ITPKB: variants seen among roughly 807,000 people sequenced by gnomAD.
The protein encoded by ITPKB is IP3 3-kinase B.
ITPKB carries 13 observed loss-of-function variants against 69.4 expected under a neutral mutation model. The observed-to-expected ratio is 0.19, with a 90% CI of 0.12 to 0.30. ITPKB has a LOEUF of 0.30. Ranked by LOEUF, ITPKB falls within the 10% of genes least tolerant of loss-of-function variation. The pLI is 1.00. For missense variants in ITPKB, 1,240 were observed against 1,250.5 expected, an observed-to-expected ratio of 0.99 and a Z score of 0.13; for synonymous variants, 584 against 513.7, an observed-to-expected ratio of 1.14 and a Z score of -1.85.
intron 4 of ITPKB, among the ~76,000 whole-genome samples, chr1:226,643,652 ATTT>A (rs1669007288): frequency 1.3e-5 from 2 of 152,196 alleles, no homozygotes; most frequent in African/African-American, 4.8e-5. Flanking sequence ...ATTAATTGAA[ATTT>A]GCACGGAAAG....
At chr1:226,706,594 G>T (rs758393062) in intron 2 of ITPKB, among the ~76,000 whole-genome samples, 2 of 152,206 alleles carry the variant, frequency 1.3e-5, no homozygotes, top group African/African-American at 4.8e-5. Flanking sequence ...CCCAAAAGGG[G>T]TTAAAAAACA....
intron 2 of ITPKB, among the ~76,000 whole-genome samples, chr1:226,716,359 C>A (rs1022542162): frequency 3.3e-4 from 50 of 152,166 alleles, no homozygotes; most frequent in African/African-American, 1.1e-3. Context: ...GCTCTAAAAT[C>A]TTTTTCTTTA....
chr1:226,659,363 G>A (rs951097438), intron 2 of ITPKB, among the ~76,000 whole-genome samples: 1 of 152,028 alleles, frequency 6.6e-6, no homozygotes, highest in South Asian at 2.1e-4. Context: ...CCATAAGAGG[G>A]AGCAGGGTCC....
chr1:226,685,417 C>T lies in ITPKB; in HGVS notation c.1933-36646G>A, dbSNP rs187474806. 1.3e-3 allele frequency among the ~76,000 whole-genome samples: 195 copies of T among 152,314 alleles called. 1 individual carries two copies. Among genetic ancestry groups the T allele is most frequent in the Non-Finnish European group, 2.1e-3 (144 of 68,024 alleles). On this transcript the variant is annotated intron_variant, in intron 2 of 7. Coordinates refer to ENST00000429204, the MANE Select transcript of ITPKB (RefSeq NM_002221.4). ...TCTCGGGTTTCCTGGCCATTGCTCA[C>T]GTGGACCTTCAACTTGGAATCATCT...
At chr1:226,646,049 A>T (rs1208981857) in intron 4 of ITPKB, among the ~76,000 whole-genome samples, 4 of 152,082 alleles carry the variant, frequency 2.6e-5, no homozygotes, top group South Asian at 2.1e-4. Context: ...TCTCTCTCTC[A>T]CACACACACC....
At chr1:226,704,674 T>C (rs1370975283) in intron 2 of ITPKB, among the ~76,000 whole-genome samples, 2 of 152,250 alleles carry the variant, frequency 1.3e-5, no homozygotes, top group Non-Finnish European at 2.9e-5. Context: ...CTGCCAACTT[T>C]ACAGCCAAGC....
chr1:226,694,760 G>T (rs573667050), intron 2 of ITPKB, among the ~76,000 whole-genome samples: 29 of 152,282 alleles, frequency 1.9e-4, no homozygotes, highest in Admixed American at 5.9e-4. Flanking sequence ...CCTTACAGTT[G>T]TGACAACCAA....
chr1:226,723,150 T>C (rs1167331269), intron 2 of ITPKB, among the ~76,000 whole-genome samples: 1 of 152,172 alleles, frequency 6.6e-6, no homozygotes, highest in Non-Finnish European at 1.5e-5. Context: ...TGAGCTGGTG[T>C]GCTCGGGGTT....
chr1:226,665,786 A>G (rs1405243077), intron 2 of ITPKB, among the ~76,000 whole-genome samples: 4 of 152,170 alleles, frequency 2.6e-5, no homozygotes, highest in African/African-American at 9.7e-5. Context: ...AATTAGTTAC[A>G]ACACAATTTA....
chr1:226,653,036 T>C (rs1669226553), intron 2 of ITPKB, among the ~76,000 whole-genome samples: 1 of 152,196 alleles, frequency 6.6e-6, no homozygotes, highest in African/African-American at 2.4e-5. Context: ...CGTGCACCAG[T>C]ACCATGGCAC....
chr1:226,643,903 G>T (rs1452105576), intron 4 of ITPKB, among the ~76,000 whole-genome samples: 1 of 152,228 alleles, frequency 6.6e-6, no homozygotes, highest in South Asian at 2.1e-4. Context: ...GACACGCACA[G>T]AGCACACCCC....
At position 226,738,136 on chromosome 1, in the gene ITPKB, C is replaced by T. The variant is rs1657866563; in HGVS notation, c.-205-473G>A. Reference sequence around the variant, plus strand: ...GGCTTCAGGGTCTCCCTGCTCCACCCTCTCGGGGCATCAGAGACCGACCGG... The same window carrying T: ...GGCTTCAGGGTCTCCCTGCTCCACCTTCTCGGGGCATCAGAGACCGACCGG... On this transcript the variant is annotated intron_variant, in intron 1 of 7. Coordinates refer to ENST00000429204, the MANE Select transcript of ITPKB (RefSeq NM_002221.4). The surrounding 1 kb of genome is among the most constrained non-coding windows in gnomAD (Gnocchi z 4.2). Among the ~76,000 whole-genome samples, 1 of 152,156 alleles carries T rather than the reference C, an allele frequency of 6.6e-6. No homozygotes were observed. Among genetic ancestry groups the T allele is most frequent in the Non-Finnish European group, 1.5e-5 (1 of 68,016 alleles).
intron 2 of ITPKB, among the ~76,000 whole-genome samples, chr1:226,721,550 C>T (rs2102643863): frequency 6.6e-6 from 1 of 151,680 alleles, no homozygotes; most frequent in Non-Finnish European, 1.5e-5. Context: ...GGCTGGAGTG[C>T]AGTGGTGCAA....
chr1:226,680,894 C>G (rs1038835387), intron 2 of ITPKB, among the ~76,000 whole-genome samples: 2 of 152,164 alleles, frequency 1.3e-5, no homozygotes, highest in Non-Finnish European at 2.9e-5. Flanking sequence ...CTCTGCCACC[C>G]CCAACACACA....
chr1:226,688,443 C>A (rs1656267457), intron 2 of ITPKB, among the ~76,000 whole-genome samples: 1 of 152,194 alleles, frequency 6.6e-6, no homozygotes, highest in Non-Finnish European at 1.5e-5. Context: ...CAAGAGTCAC[C>A]CCCACTCTGT....
chr1:226,730,745 T>C (rs1657566364), intron 2 of ITPKB, among the ~76,000 whole-genome samples: 1 of 152,098 alleles, frequency 6.6e-6, no homozygotes, highest in South Asian at 2.1e-4. Flanking sequence ...CAAAATAAAA[T>C]AAGCCTAAAC....
chr1:226,672,117 A>AT (rs1558081389), intron 2 of ITPKB, among the ~76,000 whole-genome samples: 2 of 152,158 alleles, frequency 1.3e-5, no homozygotes, highest in South Asian at 4.1e-4. Flanking sequence ...AGGAAGATGG[A>AT]TTTTTTTAAA....
intron 2 of ITPKB, among the ~76,000 whole-genome samples, chr1:226,667,239 AT>A (rs1669519793): frequency 6.6e-6 from 1 of 152,140 alleles, no homozygotes; most frequent in African/African-American, 2.4e-5. Context: ...AGGACTGGAA[AT>A]GGCCAGTTCA....
Position 226,668,826 on chromosome 1 carries a change from C to T in ITPKB, c.1933-20055G>A, listed in dbSNP as rs552107352. On this transcript the variant is annotated intron_variant, in intron 2 of 7. Transcript: ENST00000429204. ...ATGAATAGGGAAAGATCAGTATTTA[C>T]GAAGTCTGATCAATTTACAGAAGAC... The T allele has an allele frequency of 2.6e-5, 4 of 152,256 alleles. No individual in the cohort carries two copies. In the East Asian group the frequency reaches 7.7e-4, roughly 29 times the overall value. The allele number at this position is 152,256 out of a possible 1,614,324, so 9.4% of individuals were successfully genotyped here.
Sources: gnomAD v4.1 joint callset for allele counts (sites outside exome capture counted in the v4.1 genomes callset) on GRCh38, gnomAD v4.1.1 for gene constraint, Gnocchi (gnomAD v3.1) non-coding constraint, MANE v1.5 for transcripts, NCBI Gene and HGNC (gene_info 2026-07-23, HGNC 2026-07-21) for gene names.